DYNC1I1: variants seen among roughly 807,000 people sequenced by gnomAD.
DYNC1I1 encodes cytoplasmic dynein 1 intermediate chain 1.
In DYNC1I1, 43 loss-of-function variants were observed where a neutral mutation model predicts 86.6. That is an observed-to-expected ratio of 0.50 (90% CI 0.39 to 0.64). DYNC1I1 has a LOEUF of 0.64. DYNC1I1 is among the 30% of genes least tolerant of loss of function. DYNC1I1 has a pLI of 0.00. For synonymous variants in DYNC1I1, 262 were observed against 283.7 expected (o/e 0.92, Z 0.77); for missense variants, 604 against 788.8 (o/e 0.77, Z 2.81).
At chr7:95,874,021 G>C (rs1369327967) in intron 6 of DYNC1I1, among the ~76,000 whole-genome samples, 1 of 152,162 alleles carries the variant, frequency 6.6e-6, no homozygotes, top group Non-Finnish European at 1.5e-5. Flanking sequence ...CTAAAATATA[G>C]AGACTTCAAC....
At chr7:95,791,967 A>G (rs1025185265) in intron 1 of DYNC1I1, among the ~76,000 whole-genome samples, 1 of 152,236 alleles carries the variant, frequency 6.6e-6, no homozygotes. Flanking sequence ...CTTTAAAAGC[A>G]TAGAATGCTG....
intron 6 of DYNC1I1, among the ~76,000 whole-genome samples, chr7:95,906,422 A>G (rs1791179106): frequency 2.0e-5 from 3 of 152,138 alleles, no homozygotes; most frequent in Non-Finnish European, 2.9e-5. Context: ...CTTAATTCTT[A>G]TTGATGCCTT....
chr7:96,094,129 ATAAT>A (rs994641269), intron 16 of DYNC1I1, among the ~76,000 whole-genome samples: 22 of 152,170 alleles, frequency 1.4e-4, no homozygotes, highest in Non-Finnish European at 2.9e-4. Context: ...TACAAAAAAC[ATAAT>A]TAATTTTTGT....
chr7:95,985,373 A>T (rs1042648013), intron 8 of DYNC1I1, among the ~76,000 whole-genome samples: 4 of 152,206 alleles, frequency 2.6e-5, no homozygotes, highest in African/African-American at 9.6e-5. Context: ...GGAGAAGTTA[A>T]CTGATGTGTG....
chr7:95,890,923 G>A lies in DYNC1I1; in HGVS notation c.490+20925G>A, dbSNP rs545093232. Among the ~76,000 whole-genome samples the A allele has an allele frequency of 3.3e-5, 5 of 152,196 alleles. No homozygotes were observed. In the South Asian group the frequency reaches 8.3e-4, roughly 25 times the overall value. Reference sequence around the variant, plus strand: ...GTAAACCTACAAGTGATTTTTAGTGGATGTGATGTGCTGAATTGTGTATCC... The same window carrying A: ...GTAAACCTACAAGTGATTTTTAGTGAATGTGATGTGCTGAATTGTGTATCC... On this transcript the variant is annotated intron_variant, in intron 6 of 16. Coordinates refer to ENST00000447467, the MANE Select transcript of DYNC1I1 (RefSeq NM_001135556.2).
At chr7:95,817,714 C>A (rs1387916330) in intron 4 of DYNC1I1, among the ~76,000 whole-genome samples, 1 of 152,128 alleles carries the variant, frequency 6.6e-6, no homozygotes, top group Non-Finnish European at 1.5e-5. Flanking sequence ...AGATTGTAAT[C>A]CATGCCCCTA....
At chr7:96,062,431 C>CTT (rs397840634) in intron 14 of DYNC1I1, among the ~76,000 whole-genome samples, 3 of 145,616 alleles carry the variant, frequency 2.1e-5, no homozygotes, top group Non-Finnish European at 1.5e-5. Context: ...TTGTTTTTTT[C>CTT]TTTTTTTTTT....
At chr7:95,776,284 C>G (rs1309816075) in intron 1 of DYNC1I1, among the ~76,000 whole-genome samples, 1 of 152,174 alleles carries the variant, frequency 6.6e-6, no homozygotes. Context: ...AGGCCTGGCC[C>G]CAGAATCTCA....
chr7:95,868,740 G>A (rs1790081712), intron 5 of DYNC1I1, among the ~76,000 whole-genome samples: 1 of 152,154 alleles, frequency 6.6e-6, no homozygotes, highest in African/African-American at 2.4e-5. Context: ...TGTGGCATAT[G>A]CATTATGTGT....
chr7:95,893,155 C>G (rs1790788535), intron 6 of DYNC1I1, among the ~76,000 whole-genome samples: 2 of 152,166 alleles, frequency 1.3e-5, no homozygotes, highest in Admixed American at 1.3e-4. Context: ...TCTCCCACAA[C>G]AGGCTGATTT....
chr7:95,777,222 C>A (rs1196574950), intron 1 of DYNC1I1, among the ~76,000 whole-genome samples: 1 of 152,194 alleles, frequency 6.6e-6, no homozygotes, highest in Non-Finnish European at 1.5e-5. Context: ...AGAAGAAAAG[C>A]AAGCCCTGCT....
At chr7:96,058,112 A>G (rs1789641461) in intron 14 of DYNC1I1, among the ~76,000 whole-genome samples, 2 of 152,220 alleles carry the variant, frequency 1.3e-5, no homozygotes, top group South Asian at 4.1e-4. Flanking sequence ...AAAACATGCA[A>G]GAATAACAGC....
chr7:95,897,600 G>A (rs937635377), intron 6 of DYNC1I1, among the ~76,000 whole-genome samples: 2 of 152,164 alleles, frequency 1.3e-5, no homozygotes, highest in African/African-American at 4.8e-5. Flanking sequence ...TCCTCCCTGA[G>A]TGTTGATTAA....
At chr7:95,850,698 T>A (rs1445057495) in intron 5 of DYNC1I1, among the ~76,000 whole-genome samples, 1 of 152,216 alleles carries the variant, frequency 6.6e-6, no homozygotes, top group African/African-American at 2.4e-5. Context: ...TCAGCAAAAC[T>A]AGCAAGGGTT....
chr7:95,775,050 A>C (rs1793807616), intron 1 of DYNC1I1, among the ~76,000 whole-genome samples: 2 of 152,370 alleles, frequency 1.3e-5, no homozygotes, highest in Middle Eastern at 3.4e-3. Context: ...CAGGCATTGC[A>C]TTTTAAAATA....
At chr7:95,933,793 C>T (rs564484219) in intron 6 of DYNC1I1, among the ~76,000 whole-genome samples, 32 of 152,166 alleles carry the variant, frequency 2.1e-4, no homozygotes, top group African/African-American at 7.5e-4. Flanking sequence ...GCCTTTCAGT[C>T]GCCCTTGTTA....
At chr7:95,901,856 A>G (rs1007237267) in intron 6 of DYNC1I1, among the ~76,000 whole-genome samples, 3 of 152,206 alleles carry the variant, frequency 2.0e-5, no homozygotes, top group Admixed American at 6.5e-5. Context: ...CATTCTGAAT[A>G]CATAACAGAA....
At chr7:95,849,133 C>G (rs1789513018) in intron 5 of DYNC1I1, among the ~76,000 whole-genome samples, 2 of 152,048 alleles carry the variant, frequency 1.3e-5, no homozygotes, top group African/African-American at 2.4e-5. Context: ...ATCCCTTAAT[C>G]AGATGTAAGT....
At chr7:95,836,373 C>G (rs1468841892) in intron 5 of DYNC1I1, among the ~76,000 whole-genome samples, 1 of 151,800 alleles carries the variant, frequency 6.6e-6, no homozygotes, top group South Asian at 2.1e-4. Flanking sequence ...GAGGGTAACC[C>G]GACCTTTCTC....
Sources: gnomAD v4.1 joint callset for allele counts (sites outside exome capture counted in the v4.1 genomes callset) on GRCh38, gnomAD v4.1.1 for gene constraint, MANE v1.5 for transcripts, NCBI Gene and HGNC (gene_info 2026-07-23, HGNC 2026-07-21) for gene names.